Variants in WAPL observed in about 807,000 individuals in gnomAD.
WAPL encodes WAPL cohesin release factor, also known as wings apart-like protein homolog.
Under a neutral mutation model 121.0 loss-of-function variants are expected in WAPL, and 5 were observed. The observed-to-expected ratio is 0.04, with a 90% CI of 0.02 to 0.09. The LOEUF is 0.09. Ranked by LOEUF, WAPL falls within the 10% of genes least tolerant of loss-of-function variation. WAPL has a pLI of 1.00. For missense variants in WAPL, 999 were observed against 1,410.8 expected (o/e 0.71, Z 4.68); for synonymous variants, 480 against 481.5 (o/e 1.00, Z 0.04).
chr10:86,467,670 T>TA (rs200806497), intron 8 of WAPL, among the ~76,000 whole-genome samples, 164 bp from the exon 9 acceptor site: 4,636 of 149,578 alleles, frequency 0.031, 241 homozygotes, highest in African/African-American at 0.1. Context: ...GCGGTCCCTC[T>TA]AAAAAATTTT....
At position 86,467,274 on chromosome 10, in the gene WAPL, C is replaced by T; in HGVS notation, c.2370+5G>A. 6.2e-7 allele frequency: 1 copy of T among 1,611,512 alleles called. No homozygotes were observed. The highest frequency in any genetic ancestry group is 8.5e-7 in the Non-Finnish European group (1 of 1,178,204). On this transcript the variant is annotated splice_donor_5th_base_variant and intron_variant, in intron 9 of 18. Coordinates refer to ENST00000298767, the MANE Select transcript of WAPL (RefSeq NM_015045.5). ...CATCTTAGAAGGAAGGAAGAAGGAA[C>T]CCACCGTTATATTTTCTAGATCAAG...
At chr10:86,442,899 C>T (rs889126143) in intron 17 of WAPL, among the ~76,000 whole-genome samples, 1 of 151,910 alleles carries the variant, frequency 6.6e-6, no homozygotes, top group African/African-American at 2.4e-5. Flanking sequence ...AAAAGTTAGC[C>T]GGGGGCGGTG....
At position 86,447,353 on chromosome 10, in the gene WAPL, G is replaced by A. The variant is rs142108101; in HGVS notation, c.3115-904C>T. On this transcript the variant is annotated intron_variant, in intron 15 of 18. Transcript: ENST00000298767. ...TGATGGACTCCTACTTATGACTCCA[G>A]GAAGAACTGAGTTGTTGGGGGTTAC... 8.3e-4 allele frequency among the ~76,000 whole-genome samples: 126 copies of A among 152,322 alleles called. 2 individuals carry two copies. The highest frequency in any genetic ancestry group is 2.7e-3 in the African/African-American group (114 of 41,568).
intron 2 of WAPL, among the ~76,000 whole-genome samples, chr10:86,513,993 G>A (rs1842512695): frequency 6.6e-6 from 1 of 152,182 alleles, no homozygotes; most frequent in Non-Finnish European, 1.5e-5. Context: ...CTGGAGAAAA[G>A]AGTTCAAAAC....
intron 12 of WAPL, among the ~76,000 whole-genome samples, chr10:86,455,683 T>TAAAAA (rs539594893): frequency 1.4e-4 from 4 of 29,086 alleles, no homozygotes; most frequent in Non-Finnish European, 2.2e-4. Flanking sequence ...CAATAAATAC[T>TAAAAA]AAAAAAAAAA....
chr10:86,518,026 T>C lies in WAPL; in HGVS notation c.44A>G (p.Asn15Ser). Residue 15 changes from asparagine (N) to serine (S), a missense_variant, in exon 2 of 19, where the codon AAT (asparagine) becomes AGT (serine). Coordinates refer to ENST00000298767, the MANE Select transcript of WAPL (RefSeq NM_015045.5). Reference sequence around the variant, plus strand: ...GACTTCATCGAATTTTGAACTGCCATTTCCACCTTTCCTACTGTATGTTTT... The same window carrying C: ...GACTTCATCGAATTTTGAACTGCCACTTCCACCTTTCCTACTGTATGTTTT... ...FGKTYSRKGGNGSSKFDEVFS... is the reference protein window; with the variant it reads ...FGKTYSRKGGSGSSKFDEVFS... The C allele has an allele frequency of 1.2e-6, 2 of 1,614,200 alleles. No individual in the cohort carries two copies. The highest frequency in any genetic ancestry group is 1.7e-6 in the Non-Finnish European group (2 of 1,180,030).
intron 9 of WAPL, among the ~76,000 whole-genome samples, chr10:86,462,767 T>C (rs545726809): frequency 7.2e-6 from 1 of 139,044 alleles, no homozygotes. Context: ...GTGACAAATA[T>C]AGAACTAGAA....
At chr10:86,457,164 G>A (rs1434216420) in intron 12 of WAPL, among the ~76,000 whole-genome samples, 1 of 152,000 alleles carries the variant, frequency 6.6e-6, no homozygotes, top group African/African-American at 2.4e-5. Flanking sequence ...GTAAAAACAT[G>A]GTAGCAAACA....
intron 1 of WAPL, among the ~76,000 whole-genome samples, chr10:86,518,962 T>G (rs1842615083): frequency 6.6e-6 from 1 of 152,228 alleles, no homozygotes; most frequent in Admixed American, 6.5e-5. Context: ...CTATCTGCCT[T>G]GTCCCGATAG....
chr10:86,458,872 G>T, intron 12 of WAPL, 117 bp downstream of exon 12: 1 of 739,554 alleles, frequency 1.4e-6, no homozygotes. Context: ...CCAATTCACA[G>T]AACTCAACAG....
At chr10:86,455,716 A>AAAAAAG (rs1841129790) in intron 12 of WAPL, among the ~76,000 whole-genome samples, 1 of 66,230 alleles carries the variant, frequency 1.5e-5, no homozygotes, top group Non-Finnish European at 4.4e-5. Context: ...AAAAAAAAAG[A>AAAAAAG]AAAAAAGAAA....
At chr10:86,461,714 T>C (rs1427362936) in intron 9 of WAPL, among the ~76,000 whole-genome samples, 1 of 152,214 alleles carries the variant, frequency 6.6e-6, no homozygotes, top group Non-Finnish European at 1.5e-5. Context: ...AGTTATCACT[T>C]AACATTTTTG....
At chr10:86,447,804 C>T (rs576508697) in intron 15 of WAPL, among the ~76,000 whole-genome samples, 158 of 152,152 alleles carry the variant, frequency 1.0e-3, no homozygotes, top group South Asian at 2.5e-3. Context: ...AATCCTAGCA[C>T]TTTGGGAGGC....
chr10:86,498,230 T>C (rs1225927318), intron 3 of WAPL, among the ~76,000 whole-genome samples: 2 of 152,200 alleles, frequency 1.3e-5, no homozygotes, highest in Admixed American at 1.3e-4. Context: ...ATAAGTAAAC[T>C]ACAGCAGGAC....
Position 86,493,104 on chromosome 10 carries a change from AG to A in WAPL, c.1644+4096del, listed in dbSNP as rs534689176. Among the ~76,000 whole-genome samples the A allele has an allele frequency of 2.3e-3, 352 of 151,964 alleles. 2 individuals carry two copies. Among genetic ancestry groups the A allele is most frequent in the Admixed American group, 0.021 (315 of 15,234 alleles). On this transcript the variant is annotated intron_variant, in intron 4 of 18. Coordinates refer to ENST00000298767, the MANE Select transcript of WAPL (RefSeq NM_015045.5). Reference sequence around the variant, plus strand: ...CAGGACCAAGGGGAATTTTTTTCAAAGGGGGGTACTGTTCAAAACTAAGAGA... The same window carrying A: ...CAGGACCAAGGGGAATTTTTTTCAAAGGGGGTACTGTTCAAAACTAAGAGA...
intron 16 of WAPL, among the ~76,000 whole-genome samples, chr10:86,445,370 T>C (rs1324416916): frequency 6.6e-6 from 1 of 152,210 alleles, no homozygotes; most frequent in East Asian, 1.9e-4. Context: ...CCCACATGTA[T>C]GGAGGGCGGA....
At chr10:86,445,718 G>T (rs1849600275) in intron 16 of WAPL, among the ~76,000 whole-genome samples, 1 of 151,934 alleles carries the variant, frequency 6.6e-6, no homozygotes, top group Non-Finnish European at 1.5e-5. Context: ...TAGGGATGGG[G>T]TCTTGCTAGA....
At chr10:86,484,155 T>C (rs1365578043) in intron 4 of WAPL, among the ~76,000 whole-genome samples, 1 of 152,236 alleles carries the variant, frequency 6.6e-6, no homozygotes, top group African/African-American at 2.4e-5. Flanking sequence ...TTATTAACAA[T>C]AGCCAAAAAG....
intron 2 of WAPL, among the ~76,000 whole-genome samples, chr10:86,513,044 GTTTT>G (rs1226144385): frequency 2.0e-5 from 3 of 152,158 alleles, no homozygotes; most frequent in East Asian, 1.9e-4. Flanking sequence ...GTTTTGCGGG[GTTTT>G]TTTGTTTTTG....
Sources: gnomAD v4.1 joint callset for allele counts (sites outside exome capture counted in the v4.1 genomes callset) on GRCh38, gnomAD v4.1.1 for gene constraint, MANE v1.5 for transcripts, NCBI Gene and HGNC (gene_info 2026-07-23, HGNC 2026-07-21) for gene names.